Variants in OTUD7A observed in about 807,000 individuals in gnomAD.
OTUD7A encodes the protein OTU deubiquitinase 7A.
A neutral mutation model predicts 65.7 loss-of-function variants in OTUD7A; 12 were observed. The observed-to-expected ratio is 0.18, with a 90% CI of 0.12 to 0.30. The LOEUF (loss-of-function observed/expected upper bound fraction) is 0.30. Ranked by LOEUF, OTUD7A falls within the 10% of genes least tolerant of loss-of-function variation. The pLI is 1.00. For synonymous variants in OTUD7A, 641 were observed against 586.3 expected, an observed-to-expected ratio of 1.09 and a Z score of -1.35; for missense variants, 1,148 against 1,304.8, an observed-to-expected ratio of 0.88 and a Z score of 1.85.
At chr15:31,551,679 C>A (rs932321607) in intron 5 of OTUD7A, among the ~76,000 whole-genome samples, 12 of 152,334 alleles carry the variant, frequency 7.9e-5, no homozygotes, top group Middle Eastern at 6.8e-3. Flanking sequence ...CGTGACAATT[C>A]TCTATCAGAA....
At chr15:31,671,820 TA>T (rs1477492677) in intron 1 of OTUD7A, among the ~76,000 whole-genome samples, 6 of 152,218 alleles carry the variant, frequency 3.9e-5, no homozygotes, top group Admixed American at 1.3e-4. Context: ...GTGATATACG[TA>T]AACTGCATGT....
At chr15:31,678,061 T>C (rs1892632475) in intron 1 of OTUD7A, among the ~76,000 whole-genome samples, 1 of 152,230 alleles carries the variant, frequency 6.6e-6, no homozygotes, top group African/African-American at 2.4e-5. Context: ...TTTTATGCTT[T>C]AGCAAAGAGA....
chr15:31,718,056 T>C (rs8027489), intron 1 of OTUD7A, among the ~76,000 whole-genome samples: 2,218 of 152,270 alleles, frequency 0.015, 55 homozygotes, highest in African/African-American at 0.048. Context: ...GATTAGACTC[T>C]GTTGTGTATT....
chr15:31,690,718 G>A (rs1343391142), intron 1 of OTUD7A, among the ~76,000 whole-genome samples: 3 of 152,136 alleles, frequency 2.0e-5, no homozygotes, highest in Admixed American at 6.5e-5. Context: ...TGGGAAAACC[G>A]CATATCCACA....
At position 31,536,230 on chromosome 15, in the gene OTUD7A, T is replaced by C. The variant is rs1887798456; in HGVS notation, c.551-5422A>G. Among the ~76,000 whole-genome samples the C allele has an allele frequency of 1.3e-5, 2 of 152,216 alleles. 1 individual carries two copies. Among genetic ancestry groups the C allele is most frequent in the South Asian group, 4.1e-4 (2 of 4,834 alleles). ...TGGCTGCTTTTCAAAAGAATGTGTC[T>C]ATGGAAAGGATAAATAGCCTGGCTC... is the stretch of plus-strand genomic sequence containing the variant. On this transcript the variant is annotated intron_variant, in intron 5 of 12. Coordinates refer to ENST00000307050, the MANE Select transcript of OTUD7A (RefSeq NM_001382637.1).
intron 1 of OTUD7A, among the ~76,000 whole-genome samples, chr15:31,769,183 AC>A (rs1483663375): frequency 1.3e-5 from 2 of 152,250 alleles, no homozygotes; most frequent in East Asian, 3.8e-4. Flanking sequence ...TGTCATGAAA[AC>A]ATTAATGGAA....
rs1445400131 is a variant in OTUD7A, at chr15:31,726,253, C to T, written c.-99-69176G>A. The stretch of plus-strand genomic sequence containing the variant: ...TGACTAATACCTCTCTAGTACACAT[C>T]GCTTAATTCCTGGATAGTTCCTACA... On this transcript the variant is annotated intron_variant, in intron 1 of 12. Transcript: ENST00000307050. 3.9e-5 allele frequency among the ~76,000 whole-genome samples: 6 copies of T among 152,008 alleles called. No homozygotes were observed. The East Asian group carries it at 5.8e-4, about 15-fold the overall frequency.
intron 1 of OTUD7A, among the ~76,000 whole-genome samples, chr15:31,740,648 G>A (rs965014986): frequency 6.6e-6 from 1 of 152,152 alleles, no homozygotes; most frequent in African/African-American, 2.4e-5. Flanking sequence ...CAGAAGATGT[G>A]AAACAAATAG....
At chr15:31,604,577 A>C (rs1485793045) in intron 3 of OTUD7A, among the ~76,000 whole-genome samples, 1 of 152,168 alleles carries the variant, frequency 6.6e-6, no homozygotes, top group Non-Finnish European at 1.5e-5. Flanking sequence ...CATTCTGCAC[A>C]TGTACCCCAG....
intron 1 of OTUD7A, among the ~76,000 whole-genome samples, chr15:31,661,462 T>G (rs1238957175): frequency 6.6e-6 from 1 of 152,216 alleles, no homozygotes; most frequent in Non-Finnish European, 1.5e-5. Context: ...ATGGTATATA[T>G]TTTAAAAATA....
intron 3 of OTUD7A, among the ~76,000 whole-genome samples, chr15:31,643,399 C>G (rs1274203951): frequency 6.6e-6 from 1 of 152,122 alleles, no homozygotes; most frequent in Non-Finnish European, 1.5e-5. Flanking sequence ...TTGTATTAAG[C>G]AATGTGCTGT....
At chr15:31,826,510 A>G (rs1309304603) in intron 1 of OTUD7A, among the ~76,000 whole-genome samples, 1 of 152,222 alleles carries the variant, frequency 6.6e-6, no homozygotes, top group African/African-American at 2.4e-5. Context: ...CTTGGCCTCC[A>G]GGCCTGTGAT....
In OTUD7A at chr15:31,768,185, A is replaced by T; in HGVS notation, c.-100+102322T>A. 2.3e-6 allele frequency: 3 copies of T among 1,300,202 alleles called. No homozygotes were observed. In the Admixed American group the frequency reaches 5.0e-5, roughly 22 times the overall value. The allele number at this position is 1,300,202 out of a possible 1,614,324, so 80.5% of individuals were successfully genotyped here. A position where few individuals can be genotyped will look rare whatever the true frequency, so the allele number is the denominator to read the frequency against. ...GGTGGCCCGATAAGGCCCGGGAGGCACAACCCGACTCTCCACAGGTCTGTC... is the reference window on the plus strand; with the variant it reads ...GGTGGCCCGATAAGGCCCGGGAGGCTCAACCCGACTCTCCACAGGTCTGTC... On this transcript the variant is annotated intron_variant, in intron 1 of 12. Transcript: ENST00000307050.
intron 3 of OTUD7A, among the ~76,000 whole-genome samples, chr15:31,579,833 T>C (rs1889319470): frequency 6.6e-6 from 1 of 152,242 alleles, no homozygotes; most frequent in South Asian, 2.1e-4. Flanking sequence ...ATATATATTA[T>C]GTGTGCGAGT....
At chr15:31,786,178 T>C (rs1024885274) in intron 1 of OTUD7A, among the ~76,000 whole-genome samples, 13 of 152,202 alleles carry the variant, frequency 8.5e-5, no homozygotes, top group African/African-American at 3.1e-4. Context: ...TCTTCAACCT[T>C]GGACTTCTCA....
At chr15:31,826,735 A>G (rs186032865) in intron 1 of OTUD7A, among the ~76,000 whole-genome samples, 4 of 152,360 alleles carry the variant, frequency 2.6e-5, no homozygotes, top group African/African-American at 9.6e-5. Flanking sequence ...TGCTTTTAAC[A>G]GCATCTAATT....
chr15:31,834,376 G>A (rs12594819), intron 1 of OTUD7A, among the ~76,000 whole-genome samples: 47,193 of 152,072 alleles, frequency 0.31, 8,170 homozygotes, highest in South Asian at 0.55. Flanking sequence ...GTCAGTCTTC[G>A]TCTTGCTGGT....
chr15:31,660,261 G>C (rs1892124820), intron 1 of OTUD7A, among the ~76,000 whole-genome samples: 1 of 152,220 alleles, frequency 6.6e-6, no homozygotes, highest in South Asian at 2.1e-4. Flanking sequence ...GGCTCCCGTG[G>C]TGAAATGAAT....
chr15:31,749,266 C>A (rs1024692058), intron 1 of OTUD7A, among the ~76,000 whole-genome samples: 1 of 152,036 alleles, frequency 6.6e-6, no homozygotes, highest in Non-Finnish European at 1.5e-5. Flanking sequence ...TGCACATGTA[C>A]CCTAAAACTT....
Sources: allele counts gnomAD v4.1 joint callset (sites outside exome capture counted in the v4.1 genomes callset), GRCh38; gene constraint gnomAD v4.1.1; transcripts MANE v1.5; gene names NCBI Gene and HGNC (gene_info 2026-07-23, HGNC 2026-07-21).